Variants in MTERF4 observed in about 807,000 individuals in gnomAD.
MTERF4 encodes transcription termination factor 4, mitochondrial.
MTERF4 carries 17 observed loss-of-function variants against 22.5 expected under a neutral mutation model. The observed-to-expected ratio is 0.75, with a 90% CI of 0.52 to 1.13. MTERF4 has a LOEUF of 1.13. Ranked by LOEUF, MTERF4 falls within the 50% of genes most tolerant of loss-of-function variation. The probability of loss-of-function intolerance (pLI) is 0.00; values close to 1 mark genes in which losing one functional copy is unlikely to be tolerated. For missense variants in MTERF4, 420 were observed against 466.8 expected (o/e 0.90, Z 0.92); for synonymous variants, 165 against 175.3 (o/e 0.94, Z 0.47).
At chr2:241,065,260 G>C in the MTERF4 span, 1 of 1,608,024 alleles carries the variant, frequency 6.2e-7, no homozygotes, top group South Asian at 1.1e-5. Flanking sequence ...GCTAACGGCT[G>C]ACCAGTCCCC....
chr2:241,052,078 C>T, the MTERF4 span: 15 of 1,613,786 alleles, frequency 9.3e-6, no homozygotes, highest in Middle Eastern at 1.6e-4. Flanking sequence ...CCTGTCACAA[C>T]GGCGGCACCT....
chr2:241,057,380 A>AATATATATATATATATATATATATATAT, the MTERF4 span, among the ~76,000 whole-genome samples: 6 of 118,102 alleles, frequency 5.1e-5, no homozygotes, highest in East Asian at 2.9e-4. Context: ...TCCATCTCAA[A>AATATATATATATATATATATATATATAT]ATATATATAT....
At chr2:241,048,983 A>T in the MTERF4 span, 1 of 1,534,354 alleles carries the variant, frequency 6.5e-7, no homozygotes, top group Non-Finnish European at 8.9e-7. Context: ...GCTGGAAGAC[A>T]TGTGGAATAT....
chr2:241,063,388 G>A, the MTERF4 span: 1 of 601,110 alleles, frequency 1.7e-6, no homozygotes, highest in Non-Finnish European at 3.0e-6. Flanking sequence ...GTGGGGCTTT[G>A]CCAGCAGGCA....
downstream of MTERF4, among the ~76,000 whole-genome samples, chr2:241,069,452 G>T (rs536325056): frequency 6.6e-6 from 1 of 152,152 alleles, no homozygotes; most frequent in African/African-American, 2.4e-5. This position sits in a 1 kb window ranked among gnomAD's most constrained non-coding sequence, Gnocchi z 4.9. Context: ...GACAGTCAGC[G>T]CGCAGGGGAG....
At chr2:241,053,082 G>A in the MTERF4 span, 7 of 1,462,798 alleles carry the variant, frequency 4.8e-6, no homozygotes, top group East Asian at 7.3e-5. Flanking sequence ...GTCGGGTCGG[G>A]CAGAGGCAGG....
chr2:241,089,599 G>A (rs372864640), downstream of MTERF4, among the ~76,000 whole-genome samples: 153 of 152,240 alleles, frequency 1.0e-3, no homozygotes, highest in African/African-American at 3.0e-3. Flanking sequence ...GAGAGTAGCC[G>A]GCAGCATTCA....
intron 4 of MTERF4, among the ~76,000 whole-genome samples, chr2:241,078,112 C>T (rs527572939): frequency 1.6e-3 from 248 of 152,208 alleles, no homozygotes; most frequent in East Asian, 4.8e-3. Context: ...TGGCCGGGCG[C>T]GGTGGCTCAC....
At chr2:241,094,293 TAGCAGG>T, downstream of MTERF4, 1 of 469,460 alleles carries the variant, frequency 2.1e-6, no homozygotes, top group Non-Finnish European at 4.4e-6. This position sits in a 1 kb window ranked among gnomAD's most constrained non-coding sequence, Gnocchi z 4.3. Context: ...CACCTCCCCT[TAGCAGG>T]AACTCCTTCC....
chr2:241,085,132 T>C (rs758109173), downstream of MTERF4, among the ~76,000 whole-genome samples: 9 of 152,224 alleles, frequency 5.9e-5, no homozygotes, highest in Non-Finnish European at 4.4e-5. Context: ...TTTAAGCTTC[T>C]TGTATTTCTG....
chr2:241,065,284 A>G, the MTERF4 span: 1 of 1,611,830 alleles, frequency 6.2e-7, no homozygotes, highest in Non-Finnish European at 8.5e-7. Context: ...CCTTGTTTTG[A>G]CCCAAACCCT....
At chr2:241,063,108 C>T in the MTERF4 span, among the ~76,000 whole-genome samples, 1 of 152,256 alleles carries the variant, frequency 6.6e-6, no homozygotes, top group Non-Finnish European at 1.5e-5. Context: ...ACTGAGAGCC[C>T]AGCTGAGAAA....
At chr2:241,070,280 G>A, downstream of MTERF4, 1 of 1,416,720 alleles carries the variant, frequency 7.1e-7, no homozygotes, top group Non-Finnish European at 9.4e-7. Flanking sequence ...ACCTGGCCCT[G>A]CAGGGGCCTG....
At chr2:241,088,416 G>C (rs371600149), downstream of MTERF4, 22 of 1,607,042 alleles carry the variant, frequency 1.4e-5, no homozygotes, top group Non-Finnish European at 1.9e-5. Flanking sequence ...CGTCCCTGCT[G>C]CTCCCGCCCC....
At chr2:241,044,377 G>A in the MTERF4 span, among the ~76,000 whole-genome samples, 1 of 152,198 alleles carries the variant, frequency 6.6e-6, no homozygotes, top group African/African-American at 2.4e-5. Flanking sequence ...GAAAAAGATA[G>A]AGTAAGCACA....
chr2:241,047,078 G>A, the MTERF4 span, among the ~76,000 whole-genome samples: 1 of 150,346 alleles, frequency 6.7e-6, no homozygotes, highest in Non-Finnish European at 1.5e-5. Context: ...CAGGGAGTTG[G>A]AGGTTGCAGT....
chr2:241,092,502 C>A (rs2064096179), downstream of MTERF4: 1 of 152,126 alleles, frequency 6.6e-6, no homozygotes, highest in South Asian at 2.1e-4. The surrounding 1 kb of genome is among the most constrained non-coding windows in gnomAD (Gnocchi z 4.6). Flanking sequence ...TAGGCTTCAG[C>A]CTTAAACAGT....
the MTERF4 span, among the ~76,000 whole-genome samples, chr2:241,053,576 G>A: frequency 4.6e-5 from 7 of 152,230 alleles, no homozygotes; most frequent in Non-Finnish European, 7.3e-5. Context: ...GGAGCAGGAG[G>A]TCAAACACCC....
At chr2:241,048,864 C>T in the MTERF4 span, 6 of 1,221,954 alleles carry the variant, frequency 4.9e-6, no homozygotes, top group Non-Finnish European at 7.0e-6. Flanking sequence ...TCCAGACTGT[C>T]GACCATTGGT....
Sources: allele counts gnomAD v4.1 joint callset (sites outside exome capture counted in the v4.1 genomes callset), GRCh38; gene constraint gnomAD v4.1.1; non-coding constraint Gnocchi (gnomAD v3.1); transcripts MANE v1.5; gene names NCBI Gene and HGNC (gene_info 2026-07-23, HGNC 2026-07-21).